Variants in ATXN7 observed in about 807,000 individuals in gnomAD.
The protein encoded by ATXN7 is ataxin 7.
In ATXN7, 12 loss-of-function variants were observed where a neutral mutation model predicts 70.5. The observed-to-expected ratio is 0.17, with a 90% CI of 0.11 to 0.28. ATXN7 has a LOEUF of 0.28. ATXN7 is among the 10% of genes least tolerant of loss of function. The probability of loss-of-function intolerance (pLI) is 1.00; values close to 1 mark genes in which losing one functional copy is unlikely to be tolerated. For missense variants in ATXN7, 1,256 were observed against 1,131.7 expected, an observed-to-expected ratio of 1.11 and a Z score of -1.58; for synonymous variants, 498 against 448.7, an observed-to-expected ratio of 1.11 and a Z score of -1.39.
rs528075251 is a variant in ATXN7 at position 63,921,660 on chromosome 3, G to C, written c.394+8435G>C. On this transcript the variant is annotated intron_variant, in intron 4 of 12. Coordinates refer to ENST00000674280, the MANE Select transcript of ATXN7 (RefSeq NM_001377405.1). ...CCATATGGCAAGTTTGCAGAAGTTA[G>C]CTTTACACAGAGACAGTTCTGGGAA... Among the ~76,000 whole-genome samples the C allele has an allele frequency of 3.9e-5, 6 of 152,276 alleles. No individual in the cohort carries two copies. In the East Asian group the frequency reaches 1.2e-3, roughly 29 times the overall value.
At chr3:63,979,797 C>T in intron 5 of ATXN7, 118 bp from the exon 6 acceptor site, 1 of 1,394,312 alleles carries the variant, frequency 7.2e-7, no homozygotes, top group Non-Finnish European at 9.8e-7. Context: ...GTTTAACATA[C>T]CTTCACTTAA....
intron 5 of ATXN7, among the ~76,000 whole-genome samples, chr3:63,958,745 T>C (rs2075076553): frequency 6.6e-6 from 1 of 152,220 alleles, no homozygotes; most frequent in African/African-American, 2.4e-5. Flanking sequence ...TTACAGAGAA[T>C]TTTTGCATGT....
intron 4 of ATXN7, among the ~76,000 whole-genome samples, chr3:63,930,320 C>T (rs1370693273): frequency 1.3e-5 from 2 of 152,056 alleles, no homozygotes; most frequent in Admixed American, 6.6e-5. Context: ...GGGAATATAC[C>T]TTGCAAGCTA....
At chr3:63,882,227 C>T (rs1276459331) in intron 1 of ATXN7, among the ~76,000 whole-genome samples, 1 of 152,126 alleles carries the variant, frequency 6.6e-6, no homozygotes, top group Admixed American at 6.6e-5. Flanking sequence ...TACTTCACCT[C>T]TCTAGCCTGT....
intron 5 of ATXN7, chr3:63,967,781 T>A (rs982006544): frequency 6.8e-7 from 1 of 1,468,454 alleles, no homozygotes; most frequent in African/African-American, 1.4e-5. Context: ...GTAATTCAAG[T>A]GCTTTTTACA....
intron 1 of ATXN7, among the ~76,000 whole-genome samples, chr3:63,874,923 T>C (rs991524027): frequency 3.3e-5 from 5 of 152,038 alleles, no homozygotes; most frequent in Non-Finnish European, 7.4e-5. Context: ...TGCCAGCAGA[T>C]TGTGTGTCTG....
intron 1 of ATXN7, among the ~76,000 whole-genome samples, chr3:63,896,272 A>G (rs1480315588): frequency 1.6e-5 from 2 of 126,126 alleles, no homozygotes; most frequent in Non-Finnish European, 3.8e-5. Context: ...CTAACTGGCC[A>G]TCATTTAAAT....
chr3:63,887,692 C>G (rs942755770), intron 1 of ATXN7, among the ~76,000 whole-genome samples: 1 of 151,984 alleles, frequency 6.6e-6, no homozygotes, highest in African/African-American at 2.4e-5. Context: ...CTCAAGTGAT[C>G]CTCCCACCTC....
intron 1 of ATXN7, among the ~76,000 whole-genome samples, chr3:63,874,694 C>T (rs1702697646): frequency 6.6e-6 from 1 of 152,188 alleles, no homozygotes; most frequent in Admixed American, 6.5e-5. Context: ...TTACTAACTG[C>T]AGAAGCTCCT....
intron 5 of ATXN7, among the ~76,000 whole-genome samples, chr3:63,970,428 C>G (rs2075292289): frequency 6.6e-6 from 1 of 152,132 alleles, no homozygotes; most frequent in South Asian, 2.1e-4. Context: ...GGGTGTTATA[C>G]TCATAGCTGA....
chr3:63,970,825 ATGCTGCAGTGCGCGCT>A (rs2075299852), intron 5 of ATXN7, among the ~76,000 whole-genome samples: 1 of 152,080 alleles, frequency 6.6e-6, no homozygotes, highest in South Asian at 2.1e-4. Context: ...GTGAATGGGT[ATGCTGCAGTGCGCGCT>A]CTGCCCAGAG....
Position 63,999,750 on chromosome 3 carries a change from T to TTTTTGTTTTTG in ATXN7, c.*294_*304dup, listed in dbSNP as rs1266617565. On this transcript the variant is annotated 3_prime_UTR_variant, in exon 13 of 13. Coordinates refer to ENST00000674280, the MANE Select transcript of ATXN7 (RefSeq NM_001377405.1). ...CTGCTTGCTACCAATCTGTGAGAAG[T>TTTTTGTTTTTG]TTTTGTTTTTGTTTTGTTTTTTAAC... is the stretch of plus-strand genomic sequence containing the variant. 1 of 565,346 alleles carries TTTTTGTTTTTG rather than the reference T, an allele frequency of 1.8e-6. No homozygotes were observed. The highest frequency in any genetic ancestry group is 3.1e-6 in the Non-Finnish European group (1 of 317,596). 35.0% of individuals were successfully genotyped at this position (565,346 alleles called of 1,614,324 possible). A position where few individuals can be genotyped will look rare whatever the true frequency, so the allele number is the denominator to read the frequency against.
chr3:63,962,778 G>A (rs760548942), intron 5 of ATXN7, among the ~76,000 whole-genome samples: 6 of 152,084 alleles, frequency 3.9e-5, no homozygotes, highest in Non-Finnish European at 8.8e-5. Flanking sequence ...GTGGCTAATA[G>A]GCCTTTTTCT....
intron 1 of ATXN7, among the ~76,000 whole-genome samples, chr3:63,876,759 A>G (rs146540763): frequency 6.6e-6 from 1 of 152,326 alleles, no homozygotes; most frequent in Non-Finnish European, 1.5e-5. Context: ...ATCTGGTATC[A>G]AGTATTAATC....
chr3:63,867,115 C>T (rs552413613), intron 1 of ATXN7: 5 of 152,104 alleles, frequency 3.3e-5, no homozygotes, highest in Admixed American at 3.3e-4. Context: ...TTGTACTATG[C>T]TTTTAGAGCA....
intron 4 of ATXN7, among the ~76,000 whole-genome samples, chr3:63,928,264 G>A (rs1477092974): frequency 6.6e-6 from 1 of 152,158 alleles, no homozygotes; most frequent in East Asian, 1.9e-4. Context: ...TCATGCCACT[G>A]CATTCCAGCC....
At position 63,997,186 on chromosome 3, in the gene ATXN7, A is replaced by T. The variant is rs1576008242; in HGVS notation, c.2661+703A>T. 4.6e-5 allele frequency among the ~76,000 whole-genome samples: 7 copies of T among 152,272 alleles called. No homozygotes were observed. The South Asian group carries it at 1.5e-3, about 32-fold the overall frequency. ...GGCAGGAGAACTGCTTGAACACGGGAGGCGGAAGTTGCAGTGAGCCAAGAT... is the reference window on the plus strand; with the variant it reads ...GGCAGGAGAACTGCTTGAACACGGGTGGCGGAAGTTGCAGTGAGCCAAGAT... On this transcript the variant is annotated intron_variant, in intron 12 of 12. Transcript: ENST00000674280.
chr3:63,940,795 G>GC (rs2074747922), intron 4 of ATXN7, among the ~76,000 whole-genome samples: 2 of 152,314 alleles, frequency 1.3e-5, no homozygotes, highest in South Asian at 2.1e-4. Context: ...GACTCTTAGA[G>GC]CCCGTATCCT....
chr3:63,876,701 C>A (rs1002288304), intron 1 of ATXN7, among the ~76,000 whole-genome samples: 6 of 152,128 alleles, frequency 3.9e-5, no homozygotes, highest in Non-Finnish European at 7.3e-5. Flanking sequence ...CTTGGTGTGT[C>A]TGTGCTTTTA....
Sources: allele counts gnomAD v4.1 joint callset (sites outside exome capture counted in the v4.1 genomes callset), GRCh38; gene constraint gnomAD v4.1.1; transcripts MANE v1.5; gene names NCBI Gene and HGNC (gene_info 2026-07-23, HGNC 2026-07-21).